EIF3H: variants seen among roughly 807,000 people sequenced by gnomAD.
The protein encoded by EIF3H is eukaryotic translation initiation factor 3 subunit H.
In EIF3H, 26 loss-of-function variants were observed where a neutral mutation model predicts 44.2. The observed-to-expected ratio is 0.59, with a 90% CI of 0.43 to 0.82. The LOEUF (loss-of-function observed/expected upper bound fraction) is 0.82. Ranked by LOEUF, EIF3H falls within the 40% of genes least tolerant of loss-of-function variation. EIF3H has a pLI of 0.00. For synonymous variants in EIF3H, 166 were observed against 151.9 expected (o/e 1.09, Z -0.68); for missense variants, 359 against 432.8 (o/e 0.83, Z 1.51).
In EIF3H at chr8:116,739,211, C is replaced by A. The variant is rs912224686; in HGVS notation, c.133-13039G>T. On this transcript the variant is annotated intron_variant, in intron 1 of 7. Coordinates refer to ENST00000521861, the MANE Select transcript of EIF3H (RefSeq NM_003756.3). ...AGGACATGTTCCTGCTTCTTAAGGA[C>A]ATGCTCAAGTCTTAACTAGCTTCTG... Among the ~76,000 whole-genome samples the A allele has an allele frequency of 3.9e-5, 6 of 152,236 alleles. No homozygotes were observed. The South Asian group carries it at 1.2e-3, about 31-fold the overall frequency.
At chr8:116,718,101 T>C (rs1487990268) in intron 2 of EIF3H, among the ~76,000 whole-genome samples, 2 of 151,576 alleles carry the variant, frequency 1.3e-5, no homozygotes, top group Non-Finnish European at 3.0e-5. Context: ...GATATACAAA[T>C]GGCCAACAAA....
At chr8:116,666,851 T>C (rs1813677898) in intron 2 of EIF3H, among the ~76,000 whole-genome samples, 1 of 149,768 alleles carries the variant, frequency 6.7e-6, no homozygotes, top group Non-Finnish European at 1.5e-5. Context: ...AGATTAATGT[T>C]AGCAGAGAGG....
Position 116,672,591 on chromosome 8 carries a change from C to T in EIF3H, c.290-13611G>A, listed in dbSNP as rs187656304. On this transcript the variant is annotated intron_variant, in intron 2 of 7. Transcript: ENST00000521861. ...GCTGCAGTGAGCTATGATCATGCCA[C>T]TGCACTCCAGCCTAGTCCACAGAGT... 2.0e-5 allele frequency among the ~76,000 whole-genome samples: 3 copies of T among 151,846 alleles called. No individual in the cohort carries two copies. The East Asian group carries it at 5.8e-4, about 29-fold the overall frequency.
intron 2 of EIF3H, among the ~76,000 whole-genome samples, chr8:116,675,163 A>G (rs1159993244): frequency 1.3e-5 from 2 of 152,160 alleles, no homozygotes; most frequent in South Asian, 4.1e-4. Flanking sequence ...CTACCACTTG[A>G]TAAAGTCATA....
At chr8:116,749,020 T>C (rs1815285386) in intron 1 of EIF3H, among the ~76,000 whole-genome samples, 1 of 152,190 alleles carries the variant, frequency 6.6e-6, no homozygotes, top group Non-Finnish European at 1.5e-5. Context: ...GCTGACTGTA[T>C]ATGTAACTCA....
chr8:116,709,742 G>A (rs1483380746), intron 2 of EIF3H, among the ~76,000 whole-genome samples: 2 of 152,088 alleles, frequency 1.3e-5, no homozygotes, highest in African/African-American at 4.8e-5. Context: ...CTCCATTTAG[G>A]CAAAGTAAAA....
chr8:116,743,788 ATATATATATAAACACAC>A (rs1815173938), intron 1 of EIF3H, among the ~76,000 whole-genome samples: 13 of 91,708 alleles, frequency 1.4e-4, no homozygotes, highest in African/African-American at 1.8e-4. Context: ...ATATATATAT[ATATATATATAAACACAC>A]ACACACACAC....
intron 1 of EIF3H, among the ~76,000 whole-genome samples, chr8:116,739,123 G>A (rs1034183709): frequency 6.6e-6 from 1 of 152,158 alleles, no homozygotes; most frequent in Non-Finnish European, 1.5e-5. Flanking sequence ...GACCACCCAG[G>A]GCAGAAAACC....
intron 2 of EIF3H, among the ~76,000 whole-genome samples, chr8:116,718,053 AC>A (rs1377360847): frequency 6.6e-6 from 1 of 152,188 alleles, no homozygotes; most frequent in Non-Finnish European, 1.5e-5. Flanking sequence ...CAAGAAAAAA[AC>A]AATTGCATCA....
At chr8:116,757,109 C>T (rs186966259), upstream of EIF3H, among the ~76,000 whole-genome samples, 18 of 152,286 alleles carry the variant, frequency 1.2e-4, no homozygotes, top group East Asian at 2.7e-3. Flanking sequence ...AGTAAAACTA[C>T]AAAGTAAAGT....
At chr8:116,713,206 A>T (rs552992155) in intron 2 of EIF3H, among the ~76,000 whole-genome samples, 72 of 152,284 alleles carry the variant, frequency 4.7e-4, no homozygotes, top group Non-Finnish European at 9.0e-4. Flanking sequence ...GGAATTTTAA[A>T]TACTATTTAA....
At chr8:116,659,235 T>C (rs933173285) in intron 2 of EIF3H, among the ~76,000 whole-genome samples, 4 of 152,210 alleles carry the variant, frequency 2.6e-5, no homozygotes, top group African/African-American at 9.6e-5. Flanking sequence ...TATTAATACC[T>C]TGTTCTAACC....
At chr8:116,753,399 G>C (rs1815390569) in intron 1 of EIF3H, among the ~76,000 whole-genome samples, 2 of 152,102 alleles carry the variant, frequency 1.3e-5, no homozygotes, top group South Asian at 2.1e-4. Flanking sequence ...GTAAGCTTCT[G>C]ATTTTTTTTA....
rs570755586 is a variant in EIF3H at position 116,734,670 on chromosome 8, C to G, written c.133-8498G>C. On this transcript the variant is annotated intron_variant, in intron 1 of 7. Transcript: ENST00000521861. ...TCCCAGGTTCAAGTGATTCTCCTGC[C>G]TCAGCCTCCCTAGTAGCTGGAATTA... Among the ~76,000 whole-genome samples, 14 of 152,250 alleles carry G rather than the reference C, an allele frequency of 9.2e-5. No homozygotes were observed. The South Asian group carries it at 2.3e-3, about 25-fold the overall frequency.
At chr8:116,704,415 T>C (rs1449512994) in intron 2 of EIF3H, among the ~76,000 whole-genome samples, 5 of 152,238 alleles carry the variant, frequency 3.3e-5, no homozygotes, top group African/African-American at 1.2e-4. Context: ...GCGAGGATGA[T>C]GATACCATTC....
intron 5 of EIF3H, among the ~76,000 whole-genome samples, chr8:116,649,511 G>A (rs560037366): frequency 4.6e-5 from 7 of 152,100 alleles, no homozygotes; most frequent in South Asian, 2.1e-4. Context: ...TACCAACATC[G>A]CTTTATAAAG....
chr8:116,677,301 G>A (rs954037801), intron 2 of EIF3H, among the ~76,000 whole-genome samples: 4 of 151,588 alleles, frequency 2.6e-5, no homozygotes, highest in Admixed American at 6.5e-5. Flanking sequence ...ACAAATCAAC[G>A]TACTTTGCAA....
At chr8:116,751,607 G>T (rs1335702305) in intron 1 of EIF3H, among the ~76,000 whole-genome samples, 7 of 152,198 alleles carry the variant, frequency 4.6e-5, no homozygotes, top group Admixed American at 4.6e-4. Flanking sequence ...TCCAAATAGT[G>T]ACGTCAAACA....
intron 5 of EIF3H, among the ~76,000 whole-genome samples, chr8:116,654,542 C>T (rs772592130): frequency 7.9e-5 from 12 of 152,086 alleles, no homozygotes; most frequent in Non-Finnish European, 1.3e-4. Context: ...AGGTTCTTAG[C>T]TAAATGCTTT....
Sources: gnomAD v4.1 joint callset for allele counts (sites outside exome capture counted in the v4.1 genomes callset) on GRCh38, gnomAD v4.1.1 for gene constraint, MANE v1.5 for transcripts, NCBI Gene and HGNC (gene_info 2026-07-23, HGNC 2026-07-21) for gene names.